GRID1: variants seen among roughly 807,000 people sequenced by gnomAD.
The protein encoded by GRID1 is glutamate ionotropic receptor delta type subunit 1.
In GRID1, 28 loss-of-function variants were observed where a neutral mutation model predicts 98.0. The observed-to-expected ratio is 0.29, with a 90% confidence interval of 0.21 to 0.39. The LOEUF (loss-of-function observed/expected upper bound fraction) is 0.39. Among genes scored for constraint, GRID1 ranks in the 10% least tolerant of loss-of-function variants. The pLI is 1.00. For synonymous variants in GRID1, 553 were observed against 538.5 expected (o/e 1.03, Z -0.37); for missense variants, 1,111 against 1,340.5 (o/e 0.83, Z 2.67).
At chr10:86,294,687 G>A (rs1470516391) in intron 2 of GRID1, among the ~76,000 whole-genome samples, 1 of 152,218 alleles carries the variant, frequency 6.6e-6, no homozygotes, top group African/African-American at 2.4e-5. Flanking sequence ...TCCCAGTGGA[G>A]AAGCAGTGGA....
intron 4 of GRID1, among the ~76,000 whole-genome samples, chr10:85,929,016 A>G (rs1192254359): frequency 3.3e-5 from 5 of 152,154 alleles, no homozygotes; most frequent in African/African-American, 1.2e-4. Flanking sequence ...TCATCTGCAA[A>G]GTCTGGGAGA....
intron 3 of GRID1, among the ~76,000 whole-genome samples, chr10:86,167,374 G>A (rs776845259): frequency 3.3e-5 from 5 of 152,278 alleles, no homozygotes; most frequent in East Asian, 3.9e-4. Flanking sequence ...AGGAACCACC[G>A]AGCTGGTCCC....
chr10:85,811,167 C>T (rs2131744437), intron 8 of GRID1, among the ~76,000 whole-genome samples: 1 of 152,316 alleles, frequency 6.6e-6, no homozygotes, highest in East Asian at 1.9e-4. Flanking sequence ...AACTGCACTA[C>T]TTTATGTACC....
At chr10:86,217,840 C>T (rs531387984) in intron 2 of GRID1, among the ~76,000 whole-genome samples, 1 of 152,200 alleles carries the variant, frequency 6.6e-6, no homozygotes, top group East Asian at 1.9e-4. Flanking sequence ...AAGGCCAGGT[C>T]TGAGGAACCG....
chr10:85,884,930 A>T (rs912381173), intron 5 of GRID1, among the ~76,000 whole-genome samples: 1 of 152,170 alleles, frequency 6.6e-6, no homozygotes, highest in Non-Finnish European at 1.5e-5. Context: ...TGGAGTTTCA[A>T]GTTAACATCA....
chr10:86,154,471 C>A (rs2131982268), intron 3 of GRID1, among the ~76,000 whole-genome samples: 1 of 152,246 alleles, frequency 6.6e-6, no homozygotes, highest in Middle Eastern at 3.4e-3. Flanking sequence ...CCCCAAGGGC[C>A]ACAGTCCACA....
chr10:86,239,138 A>G (rs1352318630), intron 2 of GRID1, among the ~76,000 whole-genome samples: 1 of 152,242 alleles, frequency 6.6e-6, no homozygotes, highest in Non-Finnish European at 1.5e-5. Flanking sequence ...AGGCCCTGCG[A>G]GCCCACCCTT....
At chr10:85,905,789 A>G (rs1841452858) in intron 5 of GRID1, among the ~76,000 whole-genome samples, 1 of 152,148 alleles carries the variant, frequency 6.6e-6, no homozygotes, top group Non-Finnish European at 1.5e-5. Flanking sequence ...AAGTTAAAAT[A>G]GAATCATAAA....
chr10:85,660,608 A>T (rs1402542939), intron 12 of GRID1, among the ~76,000 whole-genome samples: 1 of 151,882 alleles, frequency 6.6e-6, no homozygotes, highest in African/African-American at 2.4e-5. Flanking sequence ...CCTACAGTGG[A>T]TCATGAGCAG....
chr10:85,677,868 G>A (rs190888435), intron 12 of GRID1, among the ~76,000 whole-genome samples: 1 of 152,228 alleles, frequency 6.6e-6, no homozygotes, highest in Admixed American at 6.5e-5. Flanking sequence ...CCATTTTGTA[G>A]CCTGGTGAGA....
intron 3 of GRID1, among the ~76,000 whole-genome samples, chr10:86,152,097 A>G (rs886776719): frequency 6.6e-6 from 1 of 152,258 alleles, no homozygotes; most frequent in African/African-American, 2.4e-5. Flanking sequence ...TTGTTTCTCC[A>G]GACAGAGGGA....
intron 3 of GRID1, among the ~76,000 whole-genome samples, chr10:86,140,611 G>A (rs1047015664): frequency 6.6e-6 from 1 of 152,238 alleles, no homozygotes; most frequent in African/African-American, 2.4e-5. Flanking sequence ...TAATGAGGGT[G>A]CTGGGGGCTG....
At chr10:85,961,085 G>C (rs1374329325) in intron 4 of GRID1, among the ~76,000 whole-genome samples, 1 of 152,126 alleles carries the variant, frequency 6.6e-6, no homozygotes, top group East Asian at 1.9e-4. Flanking sequence ...CTGCCTTGTT[G>C]AATGGCAGTA....
chr10:85,618,551 T>A (rs1185913729), intron 14 of GRID1, among the ~76,000 whole-genome samples: 1 of 152,216 alleles, frequency 6.6e-6, no homozygotes, highest in South Asian at 2.1e-4. Flanking sequence ...AGGAAAAGAA[T>A]GTATACTTGA....
intron 12 of GRID1, among the ~76,000 whole-genome samples, chr10:85,660,237 T>A (rs911973523): frequency 6.6e-6 from 1 of 152,242 alleles, no homozygotes; most frequent in Non-Finnish European, 1.5e-5. Context: ...AGGACCAGGA[T>A]ACTGGCAGGA....
intron 12 of GRID1, among the ~76,000 whole-genome samples, chr10:85,712,391 C>T (rs183709215): frequency 6.6e-6 from 1 of 151,890 alleles, no homozygotes; most frequent in Non-Finnish European, 1.5e-5. Context: ...TACATATACA[C>T]ATATGCACTC....
chr10:86,164,408 G>A (rs1038334363), intron 3 of GRID1, among the ~76,000 whole-genome samples: 13 of 152,128 alleles, frequency 8.5e-5, no homozygotes, highest in Middle Eastern at 3.2e-3. Flanking sequence ...CCTGAACCCC[G>A]CAGCCTGAAG....
At chr10:85,719,086 G>A (rs139324979) in intron 12 of GRID1, among the ~76,000 whole-genome samples, 324 of 152,242 alleles carry the variant, frequency 2.1e-3, no homozygotes, top group African/African-American at 7.3e-3. Flanking sequence ...GCGAAATGCC[G>A]CTAGTCTCTT....
chr10:86,302,413 C>T (rs763412247), intron 2 of GRID1, among the ~76,000 whole-genome samples: 1 of 152,210 alleles, frequency 6.6e-6, no homozygotes, highest in Non-Finnish European at 1.5e-5. Context: ...GAATTTGATG[C>T]AACCAATGAA....
Sources: gnomAD v4.1 joint callset for allele counts (sites outside exome capture counted in the v4.1 genomes callset) on GRCh38, gnomAD v4.1.1 for gene constraint, MANE v1.5 for transcripts, NCBI Gene and HGNC (gene_info 2026-07-23, HGNC 2026-07-21) for gene names.